Variants in DENND2A observed in about 807,000 individuals in gnomAD.
DENND2A encodes DENN domain-containing protein 2A.
In DENND2A, 53 loss-of-function variants were observed where a neutral mutation model predicts 105.3. That is an observed-to-expected ratio of 0.50 (90% CI 0.40 to 0.63). DENND2A has a LOEUF of 0.63. Ranked by LOEUF, DENND2A falls within the 30% of genes least tolerant of loss-of-function variation. The probability of loss-of-function intolerance (pLI) is 0.00; values close to 1 mark genes in which losing one functional copy is unlikely to be tolerated. For synonymous variants in DENND2A, 522 were observed against 508.4 expected (o/e 1.03, Z -0.36); for missense variants, 1,138 against 1,279.6 (o/e 0.89, Z 1.69).
chr7:140,633,202 G>A (rs565092019), intron 1 of DENND2A, among the ~76,000 whole-genome samples: 27 of 152,018 alleles, frequency 1.8e-4, no homozygotes, highest in Admixed American at 1.0e-3. Context: ...CTAATTTTTT[G>A]TATTTTTAGT....
chr7:140,533,304 T>C (rs990581483), intron 14 of DENND2A, among the ~76,000 whole-genome samples: 1 of 152,180 alleles, frequency 6.6e-6, no homozygotes, highest in Non-Finnish European at 1.5e-5. Context: ...TACCTCCATT[T>C]TTACTTCCTT....
chr7:140,629,162 G>A (rs1164498806), intron 1 of DENND2A, among the ~76,000 whole-genome samples: 1 of 152,166 alleles, frequency 6.6e-6, no homozygotes, highest in Non-Finnish European at 1.5e-5. Flanking sequence ...AAACAGAATG[G>A]TGTCTAGGGT....
chr7:140,529,328 C>T (rs1453967640), intron 14 of DENND2A, among the ~76,000 whole-genome samples: 1 of 152,180 alleles, frequency 6.6e-6, no homozygotes, highest in Non-Finnish European at 1.5e-5. Flanking sequence ...GAAATAGGAA[C>T]ACTTTTACAC....
At chr7:140,533,054 C>T (rs909580122) in intron 14 of DENND2A, among the ~76,000 whole-genome samples, 2 of 146,350 alleles carry the variant, frequency 1.4e-5, no homozygotes, top group Non-Finnish European at 3.0e-5. Flanking sequence ...TGCGGTGGCA[C>T]GATCTCTGCC....
chr7:140,554,592 C>T (rs1395503809), intron 12 of DENND2A, among the ~76,000 whole-genome samples: 1 of 152,124 alleles, frequency 6.6e-6, no homozygotes, highest in African/African-American at 2.4e-5. Flanking sequence ...GCCGAGATCG[C>T]ACCACTACAC....
chr7:140,638,356 T>C (rs1801031348), intron 1 of DENND2A, among the ~76,000 whole-genome samples: 1 of 152,244 alleles, frequency 6.6e-6, no homozygotes, highest in African/African-American at 2.4e-5. Context: ...TGAGCATTTG[T>C]GTACATACTT....
rs2130468554 is a variant in DENND2A at position 140,527,379 on chromosome 7, G to A, written c.2444C>T (p.Pro815Leu). ...GCTGGAGAGCAGCCCGATGAGGAAGGGCGTCGGCGAGCACACGATGTCGAC... is the reference window on the plus strand; with the variant it reads ...GCTGGAGAGCAGCCCGATGAGGAAGAGCGTCGGCGAGCACACGATGTCGAC... ...AMVDIVCSPT[P>L]FLIGLLSSSL... Residue 815 changes from proline (P) to leucine (L), a missense_variant, in exon 15 of 20, where the codon CCC becomes CTC. Physicochemically the swap from Pro to Leu is moderately conservative, Grantham distance 98. Transcript: ENST00000496613. This position sits in a 1 kb window ranked among gnomAD's most constrained non-coding sequence, Gnocchi z 4.9. The A allele has an allele frequency of 6.2e-7, 1 of 1,606,852 alleles. No individual in the cohort carries two copies. Among genetic ancestry groups the A allele is most frequent in the Non-Finnish European group, 8.5e-7 (1 of 1,177,936 alleles).
At chr7:140,588,527 C>A (rs1585700961) in intron 3 of DENND2A, among the ~76,000 whole-genome samples, 1 of 152,096 alleles carries the variant, frequency 6.6e-6, no homozygotes, top group Non-Finnish European at 1.5e-5. Flanking sequence ...CAGATAGTCC[C>A]TGACTGTCTT....
At chr7:140,560,885 G>A (rs1797584353) in intron 9 of DENND2A, among the ~76,000 whole-genome samples, 1 of 151,790 alleles carries the variant, frequency 6.6e-6, no homozygotes, top group South Asian at 2.1e-4. Flanking sequence ...AGTGAGCCGA[G>A]AGCATACCAC....
intron 12 of DENND2A, among the ~76,000 whole-genome samples, chr7:140,548,428 A>G (rs1356108871): frequency 6.6e-6 from 1 of 151,710 alleles, no homozygotes; most frequent in African/African-American, 2.4e-5. Flanking sequence ...AGGCTGAGGC[A>G]GGAGAATTGC....
intron 3 of DENND2A, among the ~76,000 whole-genome samples, chr7:140,598,759 A>C (rs1267152429): frequency 6.6e-6 from 1 of 152,220 alleles, no homozygotes; most frequent in East Asian, 1.9e-4. Flanking sequence ...AAATAATTAT[A>C]TATTAATTAC....
At chr7:140,624,781 GT>G (rs886466404) in intron 1 of DENND2A, among the ~76,000 whole-genome samples, 13 of 137,524 alleles carry the variant, frequency 9.5e-5, no homozygotes, top group South Asian at 2.4e-4. Context: ...TCTGGTGATT[GT>G]TTTTTTTTTA....
chr7:140,556,385 C>T (rs553387157), intron 11 of DENND2A, among the ~76,000 whole-genome samples: 25 of 152,254 alleles, frequency 1.6e-4, no homozygotes, highest in African/African-American at 5.5e-4. Flanking sequence ...GTTGTCCAGA[C>T]TGGAGTGCAG....
chr7:140,596,809 G>C (rs1374647894), intron 3 of DENND2A, among the ~76,000 whole-genome samples: 1 of 152,222 alleles, frequency 6.6e-6, no homozygotes, highest in Non-Finnish European at 1.5e-5. Context: ...GTAGATACAT[G>C]TGAATTCAGG....
rs80292212 is a variant in DENND2A, at chr7:140,606,934, T to A, written c.-247-1128A>T. On this transcript the variant is annotated intron_variant, in intron 1 of 19. Coordinates refer to ENST00000496613, the MANE Select transcript of DENND2A (RefSeq NM_015689.5). Reference sequence around the variant, plus strand: ...AAGTGTCTCCCAACATGAGCATAAATGGACATGGCTCAGGTGAAGGTGCTG... The same window carrying A: ...AAGTGTCTCCCAACATGAGCATAAAAGGACATGGCTCAGGTGAAGGTGCTG... Among the ~76,000 whole-genome samples, 149 of 152,238 alleles carry A rather than the reference T, an allele frequency of 9.8e-4. No homozygotes were observed. The East Asian group carries it at 0.023, about 24-fold the overall frequency.
chr7:140,612,352 C>T (rs949203417), intron 1 of DENND2A, among the ~76,000 whole-genome samples: 17 of 151,780 alleles, frequency 1.1e-4, no homozygotes, highest in South Asian at 4.2e-4. Context: ...AAGATATATG[C>T]GCAGGGGAAG....
chr7:140,613,858 C>A (rs567698741), intron 1 of DENND2A, among the ~76,000 whole-genome samples: 2 of 152,288 alleles, frequency 1.3e-5, no homozygotes, highest in East Asian at 3.9e-4. Flanking sequence ...GTGTCAAATG[C>A]AGACCAACTG....
intron 3 of DENND2A, among the ~76,000 whole-genome samples, chr7:140,588,000 T>C (rs947251169): frequency 6.6e-6 from 1 of 152,186 alleles, no homozygotes; most frequent in African/African-American, 2.4e-5. Context: ...AACCTGCGCT[T>C]CCTGGGTTCA....
intron 6 of DENND2A, among the ~76,000 whole-genome samples, chr7:140,572,073 A>G (rs1798115720): frequency 6.6e-6 from 1 of 152,040 alleles, no homozygotes; most frequent in African/African-American, 2.4e-5. Context: ...GCATGATCAT[A>G]GCTCACTGCA....
Sources: gnomAD v4.1 joint callset for allele counts (sites outside exome capture counted in the v4.1 genomes callset) on GRCh38, gnomAD v4.1.1 for gene constraint, Gnocchi (gnomAD v3.1) non-coding constraint, MANE v1.5 for transcripts, NCBI Gene and HGNC (gene_info 2026-07-23, HGNC 2026-07-21) for gene names.